NCOA5: variants seen among roughly 807,000 people sequenced by gnomAD.
NCOA5 encodes NCoA-5.
In NCOA5, 12 loss-of-function variants were observed where a neutral mutation model predicts 59.0. That is an observed-to-expected ratio of 0.20 (90% CI 0.13 to 0.33). The LOEUF (loss-of-function observed/expected upper bound fraction) is 0.33, where lower values mean the gene tolerates loss of function less well. Ranked by LOEUF, NCOA5 falls within the 10% of genes least tolerant of loss-of-function variation. NCOA5 has a pLI of 1.00. For synonymous variants in NCOA5, 270 were observed against 275.5 expected (o/e 0.98, Z 0.20); for missense variants, 655 against 766.6 (o/e 0.85, Z 1.72).
chr20:46,085,871 A>G (rs6065921), intron 1 of NCOA5, among the ~76,000 whole-genome samples: 20,693 of 152,224 alleles, frequency 0.14, 1,763 homozygotes, highest in Non-Finnish European at 0.19. Flanking sequence ...TTATCCCCAA[A>G]TGCGGTGAGG....
At chr20:46,073,243 C>T (rs2084903795) in intron 2 of NCOA5, among the ~76,000 whole-genome samples, 1 of 152,208 alleles carries the variant, frequency 6.6e-6, no homozygotes, top group African/African-American at 2.4e-5. Flanking sequence ...GAAAACCTCA[C>T]CTCAGCTACA....
At chr20:46,078,569 ATATGAAATATATCATTCG>A (rs2084961793) in intron 2 of NCOA5, among the ~76,000 whole-genome samples, 1 of 151,826 alleles carries the variant, frequency 6.6e-6, no homozygotes, top group African/African-American at 2.4e-5. Context: ...GAGACACCAG[ATATGAAATATATCATTCG>A]TATGAAATAT....
In NCOA5 at chr20:46,063,205, A is replaced by G. The variant is rs112491440; in HGVS notation, c.1150+155T>C. The G allele has an allele frequency of 6.7e-4, 462 of 688,472 alleles. 1 individual carries two copies. The highest frequency in any genetic ancestry group is 8.6e-4 in the Non-Finnish European group (360 of 416,258). 42.6% of individuals were successfully genotyped at this position (688,472 alleles called of 1,614,324 possible). On this transcript the variant is annotated intron_variant, in intron 7 of 7. Transcript: ENST00000290231. ...CAAATATAAAGTTATTATTAACATT[A>G]TATCAGCATGGGTGGCCCACGGGAG...
chr20:46,089,473 G>C (rs981755367), intron 1 of NCOA5, among the ~76,000 whole-genome samples: 1 of 152,222 alleles, frequency 6.6e-6, no homozygotes. Context: ...GTTTCGACAG[G>C]GGGTGCGGGA....
Position 46,061,028 on chromosome 20 carries a change from A to G in NCOA5, c.*1272T>C, listed in dbSNP as rs1568872771. 1 of 152,188 alleles carries G rather than the reference A, an allele frequency of 6.6e-6. No individual in the cohort carries two copies. Among genetic ancestry groups the G allele is most frequent in the South Asian group, 2.1e-4 (1 of 4,826 alleles). 9.4% of individuals were successfully genotyped at this position (152,188 alleles called of 1,614,324 possible). ...AATTAAAAAGTAATCATTTCATTTT[A>G]TTAACAACACAAGAGTTCCAAAGAG... On this transcript the variant is annotated 3_prime_UTR_variant, in exon 8 of 8. Transcript: ENST00000290231.
At chr20:46,076,062 G>A (rs936592388) in intron 2 of NCOA5, among the ~76,000 whole-genome samples, 4 of 152,130 alleles carry the variant, frequency 2.6e-5, no homozygotes, top group African/African-American at 4.8e-5. Flanking sequence ...AGATACCTAC[G>A]TTAAGTCCAG....
intron 2 of NCOA5, among the ~76,000 whole-genome samples, chr20:46,073,310 A>G (rs925516605): frequency 2.6e-5 from 4 of 152,210 alleles, no homozygotes; most frequent in African/African-American, 9.6e-5. Context: ...AATATTTGTT[A>G]TATATTCTAA....
rs1031638937 is a variant in NCOA5, at chr20:46,063,026, A to G, written c.1151-137T>C. 1.2e-4 allele frequency: 94 copies of G among 773,200 alleles called. No homozygotes were observed. In the African/African-American group the frequency reaches 1.3e-3, roughly 11 times the overall value. The allele number at this position is 773,200 out of a possible 1,614,324, so 47.9% of individuals were successfully genotyped here. On this transcript the variant is annotated intron_variant, in intron 7 of 7. Transcript: ENST00000290231. ...AGACGATAACATCAATTTCCCAAAG[A>G]GGCCGCTTCATGATATGTGCTGTTT...
At chr20:46,065,592 G>A (rs1380295049) in intron 5 of NCOA5, among the ~76,000 whole-genome samples, 2 of 152,176 alleles carry the variant, frequency 1.3e-5, no homozygotes, top group Non-Finnish European at 2.9e-5. Flanking sequence ...AGAAACATGG[G>A]TTTGGATCCC....
intron 2 of NCOA5, among the ~76,000 whole-genome samples, chr20:46,074,761 T>C (rs2145540637): frequency 6.6e-6 from 1 of 152,348 alleles, no homozygotes; most frequent in African/African-American, 2.4e-5. Context: ...GAGTAAGAAC[T>C]GATAGATGAT....
At chr20:46,088,591 T>TA (rs1385297924) in intron 1 of NCOA5, among the ~76,000 whole-genome samples, 2 of 152,252 alleles carry the variant, frequency 1.3e-5, no homozygotes, top group Non-Finnish European at 2.9e-5. Flanking sequence ...AACAGGGGGC[T>TA]ACGACATCAC....
chr20:46,064,242 T>C (rs1439863661), intron 6 of NCOA5, among the ~76,000 whole-genome samples: 1 of 152,270 alleles, frequency 6.6e-6, no homozygotes, highest in Non-Finnish European at 1.5e-5. Context: ...TCACACATCT[T>C]GAGGACTATT....
intron 3 of NCOA5, 97 bp downstream of exon 3, chr20:46,070,113 T>A (rs895831211): frequency 8.5e-6 from 8 of 939,800 alleles, no homozygotes; most frequent in Non-Finnish European, 1.3e-5. Context: ...AATAAAAGGC[T>A]GATAAAATGA....
rs1434914649 is a variant in NCOA5, at chr20:46,062,168, G to A, written c.*132C>T. 1.8e-5 allele frequency: 12 copies of A among 652,542 alleles called. No individual in the cohort carries two copies. Among genetic ancestry groups the A allele is most frequent in the Admixed American group, 2.9e-5 (1 of 34,144 alleles). 40.4% of individuals were successfully genotyped at this position (652,542 alleles called of 1,614,324 possible). ...CAGCCTTGGGCAGAAGAGAGAGCAG[G>A]TGGTAGAAATTGATGACACTCGATG... On this transcript the variant is annotated 3_prime_UTR_variant, in exon 8 of 8. Transcript: ENST00000290231.
intron 1 of NCOA5, among the ~76,000 whole-genome samples, chr20:46,083,777 T>A (rs1460257387): frequency 6.6e-6 from 1 of 152,198 alleles, no homozygotes; most frequent in Non-Finnish European, 1.5e-5. Flanking sequence ...ATATCACACA[T>A]TAAATCCCCC....
At chr20:46,086,230 T>C (rs2085044098) in intron 1 of NCOA5, among the ~76,000 whole-genome samples, 1 of 152,262 alleles carries the variant, frequency 6.6e-6, no homozygotes, top group South Asian at 2.1e-4. Context: ...TGTTTTCTAA[T>C]GCAACTTAAG....
At chr20:46,088,633 G>C (rs1045184928) in intron 1 of NCOA5, among the ~76,000 whole-genome samples, 4 of 152,250 alleles carry the variant, frequency 2.6e-5, no homozygotes, top group African/African-American at 9.6e-5. Flanking sequence ...CACACCGGGT[G>C]CACCTGAGTG....
intron 1 of NCOA5, among the ~76,000 whole-genome samples, chr20:46,087,582 A>AC (rs557297019): frequency 5.3e-5 from 8 of 152,000 alleles, no homozygotes; most frequent in African/African-American, 1.9e-4. Flanking sequence ...ACATGGAGAA[A>AC]CCCCGTCTCC....
intron 7 of NCOA5, 113 bp downstream of exon 7, chr20:46,063,247 T>C: frequency 1.9e-6 from 2 of 1,065,926 alleles, no homozygotes; most frequent in Non-Finnish European, 2.7e-6. Context: ...AGGGATGGAC[T>C]TAGTTCCCTT....
Sources: gnomAD v4.1 joint callset for allele counts (sites outside exome capture counted in the v4.1 genomes callset) on GRCh38, gnomAD v4.1.1 for gene constraint, MANE v1.5 for transcripts, NCBI Gene and HGNC (gene_info 2026-07-23, HGNC 2026-07-21) for gene names.